The following ALOXE3 variants were observed in gnomAD, a reference collection of about 807,000 sequenced individuals.
ALOXE3 encodes the protein hydroperoxide isomerase ALOXE3.
ALOXE3 carries 78 observed loss-of-function variants against 87.5 expected under a neutral mutation model. The ratio of observed to expected loss-of-function variants is 0.89; its 90% CI spans 0.74 to 1.08. The LOEUF (loss-of-function observed/expected upper bound fraction) is 1.08. ALOXE3 is among the 50% of genes least tolerant of loss of function. ALOXE3 has a pLI of 0.00. For missense variants in ALOXE3, 946 were observed against 912.4 expected (o/e 1.04, Z -0.47); for synonymous variants, 363 against 370.8 (o/e 0.98, Z 0.24).
chr17:8,117,817 G>A (rs1203673453), intron 2 of ALOXE3, 27 bp downstream of exon 2: 10 of 1,605,858 alleles, frequency 6.2e-6, no homozygotes, highest in Non-Finnish European at 8.5e-6. Flanking sequence ...CTCTGAGGTC[G>A]CGCTTCCCTG....
chr17:8,111,276 T>C (rs1384796316), intron 8 of ALOXE3, 83 bp downstream of exon 8: 2 of 1,558,792 alleles, frequency 1.3e-6, no homozygotes, highest in Non-Finnish European at 8.8e-7. Flanking sequence ...GCCATTTCCA[T>C]ACCCTCCACA....
rs201269701 is a variant in ALOXE3, at chr17:8,115,627, C to T, written c.414G>A (p.Arg138=). The change falls in exon 4 of 16, where the codon CGG becomes CGA. Residue 138 remains arginine, a synonymous_variant. Transcript: ENST00000448843. ...CTCACCGGTAGCATTCTTGTCGGGCCCGGAGCTCCCGTGTCCTGTGATCCA... is the reference window on the plus strand; with the variant it reads ...CTCACCGGTAGCATTCTTGTCGGGCTCGGAGCTCCCGTGTCCTGTGATCCA... ...LLLDHRTREL[R]ARQECYRWKI... is the part of the protein sequence containing the mutation. 9.2e-5 allele frequency: 149 copies of T among 1,614,008 alleles called. No individual in the cohort carries two copies. In the East Asian group the frequency reaches 9.8e-4, roughly 11 times the overall value.
chr17:8,109,506 A>C (rs1979826509), intron 11 of ALOXE3, among the ~76,000 whole-genome samples, 163 bp from the exon 12 acceptor site: 2 of 152,254 alleles, frequency 1.3e-5, no homozygotes, highest in African/African-American at 4.8e-5. Flanking sequence ...CAGGCTGCGC[A>C]GCTTGACGCC....
At position 8,112,172 on chromosome 17, in the gene ALOXE3, C is replaced by T. The variant is rs1568001637; in HGVS notation, c.705G>A (p.Gly235=). The T allele has an allele frequency of 1.2e-6, 2 of 1,614,148 alleles. No individual in the cohort carries two copies. The highest frequency in any genetic ancestry group is 1.7e-5 in the Admixed American group (1 of 60,018). The part of the protein sequence containing the change: ...IPASLGMKLR[G]LLDRKGSWKK... ...TCCAGGAGCCCTTGCGATCCAACAG[C>T]CCTCGAAGCTTCATTCCCAAGGACC... The change falls in exon 7 of 16, where the codon GGG becomes GGA. Residue 235 remains glycine, a synonymous_variant. Coordinates refer to ENST00000448843, the MANE Select transcript of ALOXE3 (RefSeq NM_021628.3).
intron 2 of ALOXE3, among the ~76,000 whole-genome samples, chr17:8,117,484 G>C (rs1980700312): frequency 6.6e-6 from 1 of 152,230 alleles, no homozygotes; most frequent in Admixed American, 6.5e-5. Flanking sequence ...TCCTAGGCCG[G>C]CTGGGAACTC....
rs761792616 is a variant in ALOXE3 at position 8,096,917 on chromosome 17, CA to C, written c.1957-112del. ...CAAGGTGGCTTCTAGTAGCACAACC[CA>C]GTTGCAGCCATTGTAAACACTTGCC... On this transcript the variant is annotated intron_variant, in intron 15 of 15. Transcript: ENST00000448843. 7.8e-4 allele frequency: 971 copies of C among 1,251,900 alleles called. 9 individuals are homozygous for C. The highest frequency in any genetic ancestry group is 1.5e-3 in the Middle Eastern group (8 of 5,316). The allele number at this position is 1,251,900 out of a possible 1,614,324, so 77.5% of individuals were successfully genotyped here.
intron 15 of ALOXE3, among the ~76,000 whole-genome samples, chr17:8,102,065 C>CTACT (rs1236083183): frequency 1.3e-5 from 2 of 152,216 alleles, no homozygotes; most frequent in Non-Finnish European, 2.9e-5. Flanking sequence ...TGATAAAGGG[C>CTACT]TACTTGCCTG....
intron 13 of ALOXE3, 92 bp from the exon 14 acceptor site, chr17:8,104,307 T>G: frequency 3.1e-6 from 3 of 953,142 alleles, no homozygotes; most frequent in Non-Finnish European, 3.3e-6. Context: ...AGGGGGAAAG[T>G]GAGGAAGTAG....
At position 8,109,250 on chromosome 17, in the gene ALOXE3, G is replaced by T. The variant is rs867780319; in HGVS notation, c.1486C>A (p.Arg496=). 6.2e-7 allele frequency: 1 copy of T among 1,614,072 alleles called. No homozygotes were observed. The change falls in exon 12 of 16, where the codon CGG becomes AGG. Residue 496 remains arginine (R), a synonymous_variant. Coordinates refer to ENST00000448843, the MANE Select transcript of ALOXE3 (RefSeq NM_021628.3). ...GGGATAGCCAGGACGCCGCGGGCCC[G>T]CAGGCTGTCCGGAAGGCAGAAATTG... The part of the protein sequence containing the change: ...YTNFCLPDSL[R]ARGVLAIPNY...
At chr17:8,106,239 A>C (rs1453817943) in intron 13 of ALOXE3, among the ~76,000 whole-genome samples, 3 of 152,154 alleles carry the variant, frequency 2.0e-5, no homozygotes, top group Non-Finnish European at 4.4e-5. Flanking sequence ...ACATGAGTCA[A>C]AGAGAACTAA....
rs1238956689 is a variant in ALOXE3 at position 8,110,275 on chromosome 17, A to G, written c.1122T>C (p.Pro374=). The change falls in exon 10 of 16, where the codon CCT becomes CCC. Residue 374 remains proline, a synonymous_variant. Coordinates refer to ENST00000448843, the MANE Select transcript of ALOXE3 (RefSeq NM_021628.3). ...CAGTGGGCAGGAAGATGGGGCTGTC[A>G]GGCCCGGGGGTCTGGCTGAGCTGCG... ...LAIQLSQTPG[P]DSPIFLPTDS... 1 of 1,614,004 alleles carries G rather than the reference A, an allele frequency of 6.2e-7. No individual in the cohort carries two copies.
chr17:8,115,117 C>T (rs551635411), intron 4 of ALOXE3, 60 bp from the exon 5 acceptor site: 2 of 1,603,350 alleles, frequency 1.2e-6, no homozygotes, highest in Admixed American at 3.3e-5. Flanking sequence ...CAAGTCTTAG[C>T]TTTAAAGACA....
At chr17:8,103,546 C>G in intron 14 of ALOXE3, 53 bp from the exon 15 acceptor site, 1 of 1,585,864 alleles carries the variant, frequency 6.3e-7, no homozygotes, top group African/African-American at 1.3e-5. Flanking sequence ...GGAGTATCAC[C>G]TCCCTCTTCA....
chr17:8,115,819 C>G (rs2151846027), intron 3 of ALOXE3, 131 bp from the exon 4 acceptor site: 1 of 847,788 alleles, frequency 1.2e-6, no homozygotes, highest in East Asian at 2.6e-5. Context: ...TGGCGGTGCC[C>G]CCACGTTCTT....
intron 15 of ALOXE3, among the ~76,000 whole-genome samples, chr17:8,101,558 C>T (rs1274506786): frequency 1.3e-5 from 2 of 152,160 alleles, no homozygotes; most frequent in Admixed American, 1.3e-4. Context: ...GGACAGGACC[C>T]AGAGTCCTGC....
At chr17:8,099,279 G>A (rs1978770606) in intron 15 of ALOXE3, among the ~76,000 whole-genome samples, 1 of 152,150 alleles carries the variant, frequency 6.6e-6, no homozygotes, top group Non-Finnish European at 1.5e-5. Flanking sequence ...AAGGAAATAA[G>A]GCTTAGAGAG....
At position 8,096,546 on chromosome 17, in the gene ALOXE3, T is replaced by A; in HGVS notation, c.*81A>T. Reference sequence around the variant, plus strand: ...TCAGGTGAACTGAGAACAGGGAGGATGGAAGGGTCTGGAGGACCTGAGGAA... The same window carrying A: ...TCAGGTGAACTGAGAACAGGGAGGAAGGAAGGGTCTGGAGGACCTGAGGAA... On this transcript the variant is annotated 3_prime_UTR_variant, in exon 16 of 16. Coordinates refer to ENST00000448843, the MANE Select transcript of ALOXE3 (RefSeq NM_021628.3). The A allele has an allele frequency of 2.5e-6, 2 of 792,154 alleles. No homozygotes were observed. The highest frequency in any genetic ancestry group is 2.7e-5 in the South Asian group (2 of 74,432). 49.1% of individuals were successfully genotyped at this position (792,154 alleles called of 1,614,324 possible). A position where few individuals can be genotyped will look rare whatever the true frequency, so the allele number is the denominator to read the frequency against.
At position 8,096,684 on chromosome 17, in the gene ALOXE3, C is replaced by T. The variant is rs1598190435; in HGVS notation, c.2079G>A (p.Leu693=). 6.3e-7 allele frequency: 1 copy of T among 1,584,644 alleles called. No homozygotes were observed. The highest frequency in any genetic ancestry group is 2.2e-5 in the East Asian group (1 of 44,702). ...SRDIQERNQG[L]ALPYTYLDPP... is the part of the protein sequence containing the mutation. ...GGTCCAGGTAGGTGTAGGGCAGTGCCAGACCCTGGTTCCGCTCCTGGATGT... is the reference window on the plus strand; with the variant it reads ...GGTCCAGGTAGGTGTAGGGCAGTGCTAGACCCTGGTTCCGCTCCTGGATGT... Residue 693 remains leucine (L), a synonymous_variant, in exon 16 of 16, where the codon CTG becomes CTA. Transcript: ENST00000448843.
chr17:8,106,086 G>A (rs1215420648), intron 13 of ALOXE3, among the ~76,000 whole-genome samples: 2 of 151,864 alleles, frequency 1.3e-5, no homozygotes, highest in South Asian at 2.1e-4. Context: ...CAGGCTTGGC[G>A]GGCAAGCAGC....
Sources: allele counts gnomAD v4.1 joint callset (sites outside exome capture counted in the v4.1 genomes callset), GRCh38; gene constraint gnomAD v4.1.1; transcripts MANE v1.5; gene names NCBI Gene and HGNC (gene_info 2026-07-23, HGNC 2026-07-21).